SGCZ: variants seen among roughly 807,000 people sequenced by gnomAD.
SGCZ encodes the protein sarcoglycan zeta.
Under a neutral mutation model 41.3 loss-of-function variants are expected in SGCZ, and 40 were observed. That is an observed-to-expected ratio of 0.97 (90% CI 0.75 to 1.26). SGCZ has a LOEUF of 1.26. Ranked by LOEUF, SGCZ falls within the 50% of genes most tolerant of loss-of-function variation. The probability of loss-of-function intolerance (pLI) is 0.00; values close to 1 mark genes in which losing one functional copy is unlikely to be tolerated. For synonymous variants in SGCZ, 206 were observed against 137.5 expected (o/e 1.50, Z -3.49); for missense variants, 552 against 369.8 (o/e 1.49, Z -4.04).
At chr8:15,124,788 T>C (rs1807618477) in intron 1 of SGCZ, among the ~76,000 whole-genome samples, 1 of 152,166 alleles carries the variant, frequency 6.6e-6, no homozygotes, top group African/African-American at 2.4e-5. Context: ...TGCATTTTTG[T>C]GCAAATTCAT....
intron 1 of SGCZ, among the ~76,000 whole-genome samples, chr8:15,003,340 A>T (rs759768268): frequency 6.6e-6 from 1 of 152,136 alleles, no homozygotes; most frequent in South Asian, 2.1e-4. Flanking sequence ...TGTATAAATT[A>T]CTCAGTCTCA....
chr8:15,022,462 G>A (rs1256044628), intron 1 of SGCZ, among the ~76,000 whole-genome samples: 1 of 152,034 alleles, frequency 6.6e-6, no homozygotes, highest in East Asian at 1.9e-4. Flanking sequence ...TCCTACTTCA[G>A]CCTCCAGAGT....
intron 5 of SGCZ, among the ~76,000 whole-genome samples, chr8:14,155,067 A>G (rs1182476939): frequency 2.6e-5 from 4 of 152,218 alleles, no homozygotes; most frequent in African/African-American, 9.6e-5. Context: ...CTACAGAGAA[A>G]TAGATAACTA....
At chr8:14,416,630 T>C (rs1799501004) in intron 2 of SGCZ, among the ~76,000 whole-genome samples, 1 of 151,884 alleles carries the variant, frequency 6.6e-6, no homozygotes, top group African/African-American at 2.4e-5. Context: ...AAATTTTAAA[T>C]GGATATTAAC....
intron 2 of SGCZ, among the ~76,000 whole-genome samples, chr8:14,371,681 G>A (rs983923104): frequency 6.6e-6 from 1 of 152,056 alleles, no homozygotes; most frequent in African/African-American, 2.4e-5. Context: ...CAGTTAACCA[G>A]CCAGTCATTT....
intron 1 of SGCZ, among the ~76,000 whole-genome samples, chr8:14,829,392 G>A (rs950695099): frequency 1.3e-5 from 2 of 152,124 alleles, no homozygotes; most frequent in African/African-American, 4.8e-5. Flanking sequence ...TCTTGAACTT[G>A]ATGACGCTTA....
intron 2 of SGCZ, among the ~76,000 whole-genome samples, chr8:14,392,041 G>A (rs1804795163): frequency 6.6e-6 from 1 of 152,020 alleles, no homozygotes; most frequent in East Asian, 1.9e-4. Flanking sequence ...TTTGAGTATG[G>A]ACACAGATCC....
chr8:14,782,217 C>G (rs1369713122), intron 1 of SGCZ, among the ~76,000 whole-genome samples: 1 of 152,158 alleles, frequency 6.6e-6, no homozygotes, highest in Non-Finnish European at 1.5e-5. Context: ...ACTTATTAAG[C>G]ACTTCCTTAA....
intron 3 of SGCZ, among the ~76,000 whole-genome samples, chr8:14,263,870 A>G (rs916217488): frequency 5.9e-5 from 9 of 152,154 alleles, no homozygotes; most frequent in African/African-American, 2.2e-4. Context: ...ACTCTCAGGA[A>G]GCGAGAGGGA....
At chr8:14,942,531 C>T (rs1322264098) in intron 1 of SGCZ, among the ~76,000 whole-genome samples, 1 of 152,060 alleles carries the variant, frequency 6.6e-6, no homozygotes, top group Admixed American at 6.6e-5. Context: ...AATAATCTTA[C>T]ATTTAAGGCC....
At chr8:14,733,041 G>A (rs1043526466) in intron 1 of SGCZ, among the ~76,000 whole-genome samples, 1 of 152,072 alleles carries the variant, frequency 6.6e-6, no homozygotes, top group Non-Finnish European at 1.5e-5. Flanking sequence ...GGACGCTCAG[G>A]GTTCTATCAC....
At chr8:14,373,211 G>C (rs1803973900) in intron 2 of SGCZ, among the ~76,000 whole-genome samples, 2 of 152,118 alleles carry the variant, frequency 1.3e-5, no homozygotes, top group Admixed American at 6.5e-5. Context: ...GTGGCTCCCA[G>C]ATTTTGAGCC....
chr8:15,085,269 C>T (rs1457294001), intron 1 of SGCZ, among the ~76,000 whole-genome samples: 1 of 152,116 alleles, frequency 6.6e-6, no homozygotes, highest in Non-Finnish European at 1.5e-5. Context: ...ACTTCCCATT[C>T]GAACTTTCTA....
intron 3 of SGCZ, among the ~76,000 whole-genome samples, chr8:14,323,113 T>C (rs1801984433): frequency 6.6e-6 from 1 of 152,074 alleles, no homozygotes; most frequent in Non-Finnish European, 1.5e-5. Flanking sequence ...CTGTATCAGT[T>C]TGCATATTTT....
At chr8:15,195,379 A>T (rs1193635911) in intron 1 of SGCZ, among the ~76,000 whole-genome samples, 1 of 152,096 alleles carries the variant, frequency 6.6e-6, no homozygotes, top group Non-Finnish European at 1.5e-5. Context: ...TCTCCTTCCC[A>T]CTGCCAAATG....
At position 15,158,457 on chromosome 8, in the gene SGCZ, A is replaced by C. The variant is rs1163949047; in HGVS notation, c.39+79128T>G. On this transcript the variant is annotated intron_variant, in intron 1 of 7. Coordinates refer to ENST00000382080, the MANE Select transcript of SGCZ (RefSeq NM_139167.4). Reference sequence around the variant, plus strand: ...TAACTTTTGATATATACTTGGGTTAAAAAGAATTCTTCAATATTTAATCTA... The same window carrying C: ...TAACTTTTGATATATACTTGGGTTACAAAGAATTCTTCAATATTTAATCTA... 2.6e-5 allele frequency among the ~76,000 whole-genome samples: 4 copies of C among 152,208 alleles called. 1 individual carries two copies.
intron 1 of SGCZ, among the ~76,000 whole-genome samples, chr8:15,057,836 C>T (rs1804770362): frequency 6.6e-6 from 1 of 152,150 alleles, no homozygotes; most frequent in Admixed American, 6.5e-5. Context: ...GAATTTATAT[C>T]CTTTATCTTT....
At chr8:14,914,209 T>A (rs1182125008) in intron 1 of SGCZ, among the ~76,000 whole-genome samples, 2 of 149,192 alleles carry the variant, frequency 1.3e-5, no homozygotes, top group Non-Finnish European at 3.0e-5. Flanking sequence ...AACATCATTT[T>A]ATATATATAA....
intron 1 of SGCZ, among the ~76,000 whole-genome samples, chr8:14,775,864 A>C (rs1450514883): frequency 6.6e-6 from 1 of 152,214 alleles, no homozygotes; most frequent in African/African-American, 2.4e-5. Flanking sequence ...AATGTGACAC[A>C]GAAGACAAGA....
Sources: allele counts gnomAD v4.1 joint callset (sites outside exome capture counted in the v4.1 genomes callset), GRCh38; gene constraint gnomAD v4.1.1; transcripts MANE v1.5; gene names NCBI Gene and HGNC (gene_info 2026-07-23, HGNC 2026-07-21).